SOX6: variants seen among roughly 807,000 people sequenced by gnomAD.
SOX6 encodes SRY-box transcription factor 6, also known as transcription factor SOX-6.
A neutral mutation model predicts 97.8 loss-of-function variants in SOX6; 11 were observed. The ratio of observed to expected loss-of-function variants is 0.11; its 90% CI spans 0.07 to 0.19. The LOEUF (loss-of-function observed/expected upper bound fraction) is 0.19. SOX6 is among the 10% of genes least tolerant of loss of function. The probability of loss-of-function intolerance (pLI) is 1.00; values close to 1 mark genes in which losing one functional copy is unlikely to be tolerated. For missense variants in SOX6, 810 were observed against 1,039.5 expected (o/e 0.78, Z 3.04); for synonymous variants, 360 against 371.4 (o/e 0.97, Z 0.35).
At chr11:16,350,028 G>A (rs1590148350) in intron 1 of SOX6, among the ~76,000 whole-genome samples, 3 of 152,220 alleles carry the variant, frequency 2.0e-5, no homozygotes, top group Admixed American at 2.0e-4. Context: ...AAATAGACCA[G>A]TTTAGCAAAA....
intron 4 of SOX6, among the ~76,000 whole-genome samples, chr11:16,544,179 A>G (rs974318091): frequency 1.3e-5 from 2 of 152,236 alleles, no homozygotes; most frequent in African/African-American, 4.8e-5. Context: ...CCATAGAAAC[A>G]GAAAAATTAT....
rs1853238938 is a variant in SOX6 at position 15,969,365 on chromosome 11, A to G, written c.*3444T>C. 6.6e-6 allele frequency: 1 copy of G among 152,184 alleles called. No homozygotes were observed. The highest frequency in any genetic ancestry group is 1.5e-5 in the Non-Finnish European group (1 of 68,028). 9.4% of individuals were successfully genotyped at this position (152,184 alleles called of 1,614,324 possible). A position where few individuals can be genotyped will look rare whatever the true frequency, so the allele number is the denominator to read the frequency against. Reference sequence around the variant, plus strand: ...AATGGTCACAGAACTATCTTAGAAGATTTATGTAGACTCCCAAAGCAAACT... The same window carrying G: ...AATGGTCACAGAACTATCTTAGAAGGTTTATGTAGACTCCCAAAGCAAACT... On this transcript the variant is annotated 3_prime_UTR_variant, in exon 16 of 16. Transcript: ENST00000683767.
intron 4 of SOX6, among the ~76,000 whole-genome samples, chr11:16,542,230 C>T (rs900875762): frequency 2.6e-5 from 4 of 152,046 alleles, no homozygotes; most frequent in African/African-American, 7.2e-5. Flanking sequence ...AACCAAACAC[C>T]GCATGTTCTC....
At position 16,557,706 on chromosome 11, in the gene SOX6, A is replaced by G. The variant is rs149919221; in HGVS notation, n.609+54375T>C. ...AAATTATAATATTAGCAACATTGTT[A>G]TTCTTTATTATTATTGTAAATGATA... is the stretch of plus-strand genomic sequence containing the variant. On this transcript the variant is annotated intron_variant and non_coding_transcript_variant, in intron 4 of 5. Coordinates refer to the SOX6 transcript ENST00000524520. 1.2e-3 allele frequency among the ~76,000 whole-genome samples: 187 copies of G among 151,972 alleles called. 2 individuals carry two copies. The Middle Eastern group carries it at 0.024, about 19-fold the overall frequency.
At chr11:16,264,298 G>A (rs1854002417) in intron 3 of SOX6, among the ~76,000 whole-genome samples, 2 of 151,756 alleles carry the variant, frequency 1.3e-5, no homozygotes, top group African/African-American at 2.4e-5. Context: ...ACAGATATGT[G>A]TATGTTATCT....
chr11:16,471,984 G>A (rs1015939369), intron 1 of SOX6, among the ~76,000 whole-genome samples: 3 of 152,148 alleles, frequency 2.0e-5, no homozygotes, highest in African/African-American at 7.2e-5. Flanking sequence ...GTTTGAAGTG[G>A]AACTCCAGAA....
rs183630399 is a variant in SOX6 at position 16,566,082 on chromosome 11, C to T, written n.609+45999G>A. Among the ~76,000 whole-genome samples the T allele has an allele frequency of 7.4e-4, 100 of 135,502 alleles. 1 individual carries two copies. Among genetic ancestry groups the T allele is most frequent in the Non-Finnish European group, 1.3e-3 (85 of 65,562 alleles). 88.9% of individuals were successfully genotyped at this position (135,502 alleles called of 152,430 possible). On this transcript the variant is annotated intron_variant and non_coding_transcript_variant, in intron 4 of 5. Coordinates refer to the SOX6 transcript ENST00000524520. ...CTGCACTCCAGCCTAGGTGACAGAG[C>T]GAGACTCCGTCTCAAAAAAAAAAAA...
intron 1 of SOX6, among the ~76,000 whole-genome samples, chr11:16,391,251 T>A (rs1858172781): frequency 6.6e-6 from 1 of 152,148 alleles, no homozygotes; most frequent in African/African-American, 2.4e-5. Flanking sequence ...GACAGGTTGA[T>A]GGTTGCAGCA....
intron 3 of SOX6, among the ~76,000 whole-genome samples, chr11:16,680,015 A>G (rs1847914126): frequency 6.6e-6 from 1 of 152,224 alleles, no homozygotes; most frequent in South Asian, 2.1e-4. Context: ...GGGAGAATGG[A>G]ACCAAGTTAG....
At chr11:16,281,934 G>A (rs557941476) in intron 3 of SOX6, among the ~76,000 whole-genome samples, 1 of 148,886 alleles carries the variant, frequency 6.7e-6, no homozygotes, top group Non-Finnish European at 1.5e-5. Flanking sequence ...TATTAGACAA[G>A]TTATATACAC....
At chr11:16,704,320 C>T (rs918038996) in intron 3 of SOX6, among the ~76,000 whole-genome samples, 1 of 152,098 alleles carries the variant, frequency 6.6e-6, no homozygotes, top group African/African-American at 2.4e-5. Context: ...CCCTATTCTC[C>T]CACTTACATT....
At chr11:16,734,268 T>G (rs1254908092) in intron 2 of SOX6, among the ~76,000 whole-genome samples, 1 of 152,184 alleles carries the variant, frequency 6.6e-6, no homozygotes, top group Non-Finnish European at 1.5e-5. Flanking sequence ...ACCACAAATA[T>G]GTATTTATTT....
At chr11:16,037,947 T>G (rs1402960684) in intron 12 of SOX6, among the ~76,000 whole-genome samples, 2 of 152,168 alleles carry the variant, frequency 1.3e-5, no homozygotes, top group African/African-American at 4.8e-5. Flanking sequence ...CCACTTATGT[T>G]GATTATAGCA....
intron 3 of SOX6, among the ~76,000 whole-genome samples, chr11:16,654,812 A>C (rs1847701246): frequency 6.6e-6 from 1 of 152,104 alleles, no homozygotes; most frequent in South Asian, 2.1e-4. Context: ...TTACTTCATT[A>C]CTCATATTCT....
At chr11:16,622,858 G>A (rs933002314) in intron 3 of SOX6, among the ~76,000 whole-genome samples, 1 of 152,114 alleles carries the variant, frequency 6.6e-6, no homozygotes, top group Non-Finnish European at 1.5e-5. Flanking sequence ...TTTTCATAGT[G>A]GTTGTACTAG....
At position 16,653,303 on chromosome 11, in the gene SOX6, A is replaced by C. The variant is rs1033566715; in HGVS notation, n.430-41043T>G. ...GAGGAAAAGAAGTCATTATATGAAA[A>C]AGACACTTGCGAGCACATTTATAGC... On this transcript the variant is annotated intron_variant and non_coding_transcript_variant, in intron 3 of 5. Transcript: ENST00000524520. 2.6e-5 allele frequency among the ~76,000 whole-genome samples: 4 copies of C among 152,218 alleles called. No individual in the cohort carries two copies. The East Asian group carries it at 7.7e-4, about 29-fold the overall frequency.
intron 3 of SOX6, among the ~76,000 whole-genome samples, chr11:16,270,519 A>G (rs1167963806): frequency 1.3e-5 from 2 of 151,280 alleles, no homozygotes; most frequent in African/African-American, 4.8e-5. Context: ...AAAAGAATGA[A>G]AATATGAATT....
chr11:16,246,861 G>A (rs1480733041), intron 3 of SOX6, among the ~76,000 whole-genome samples: 2 of 152,034 alleles, frequency 1.3e-5, no homozygotes, highest in Non-Finnish European at 2.9e-5. Context: ...ATCAAATCAA[G>A]GTAACTTGGG....
chr11:16,476,290 A>C (rs1860246387), intron 1 of SOX6: 1 of 152,516 alleles, frequency 6.6e-6, no homozygotes, highest in African/African-American at 2.4e-5. Flanking sequence ...CACAATGAGA[A>C]AAGTAAAGAT....
Sources: gnomAD v4.1 joint callset for allele counts (sites outside exome capture counted in the v4.1 genomes callset) on GRCh38, gnomAD v4.1.1 for gene constraint, MANE v1.5 for transcripts, NCBI Gene and HGNC (gene_info 2026-07-23, HGNC 2026-07-21) for gene names.